The following CSMD2 variants were observed in gnomAD, a reference collection of about 807,000 sequenced individuals.
The protein encoded by CSMD2 is CUB and Sushi multiple domains 2, also known as CUB and sushi domain-containing protein 2.
Under a neutral mutation model 398.5 loss-of-function variants are expected in CSMD2, and 130 were observed. The ratio of observed to expected loss-of-function variants is 0.33; its 90% CI spans 0.28 to 0.38. The LOEUF is 0.38. Ranked by LOEUF, CSMD2 falls within the 10% of genes least tolerant of loss-of-function variation. The probability of loss-of-function intolerance (pLI) is 1.00; values close to 1 mark genes in which losing one functional copy is unlikely to be tolerated. For synonymous variants in CSMD2, 1,828 were observed against 1,908.5 expected, an observed-to-expected ratio of 0.96 and a Z score of 1.10; for missense variants, 3,829 against 4,764.9, an observed-to-expected ratio of 0.80 and a Z score of 5.78.
chr1:33,892,228 C>A (rs1642073484), intron 5 of CSMD2, among the ~76,000 whole-genome samples: 1 of 151,364 alleles, frequency 6.6e-6, no homozygotes, highest in Non-Finnish European at 1.5e-5. Flanking sequence ...CTGGAGGACA[C>A]CATGTCAGAC....
chr1:33,574,857 A>G (rs1659921311), intron 49 of CSMD2, among the ~76,000 whole-genome samples: 1 of 152,230 alleles, frequency 6.6e-6, no homozygotes, highest in Non-Finnish European at 1.5e-5. Context: ...CTGTCATATT[A>G]CATCAACTAC....
At chr1:34,096,353 G>C (rs1267611009) in intron 1 of CSMD2, among the ~76,000 whole-genome samples, 3 of 152,070 alleles carry the variant, frequency 2.0e-5, no homozygotes, top group Non-Finnish European at 4.4e-5. Flanking sequence ...ACTGGCACAA[G>C]ACAGGGATGC....
At chr1:33,610,156 G>A (rs1374640517) in intron 41 of CSMD2, among the ~76,000 whole-genome samples, 1 of 151,678 alleles carries the variant, frequency 6.6e-6, no homozygotes, top group African/African-American at 2.4e-5. Context: ...TAAGGCACTT[G>A]GCTTATGGTA....
intron 26 of CSMD2, among the ~76,000 whole-genome samples, chr1:33,660,142 C>T (rs1413403431): frequency 1.3e-5 from 2 of 152,190 alleles, no homozygotes; most frequent in Non-Finnish European, 2.9e-5. Context: ...AAGAAACAGA[C>T]ACATGGTTTT....
intron 10 of CSMD2, among the ~76,000 whole-genome samples, chr1:33,798,243 T>C (rs1283931759): frequency 1.3e-5 from 2 of 152,320 alleles, no homozygotes; most frequent in African/African-American, 4.8e-5. Flanking sequence ...AAGAGGCACA[T>C]TTGTATACAG....
chr1:33,584,774 T>C (rs1473859042), intron 46 of CSMD2, among the ~76,000 whole-genome samples: 1 of 150,804 alleles, frequency 6.6e-6, no homozygotes, highest in African/African-American at 2.4e-5. Context: ...TGATGAAAAC[T>C]GCATCTTGAA....
In CSMD2 at chr1:33,713,560, G is replaced by A. The variant is rs570752909; in HGVS notation, c.3406+1027C>T. On this transcript the variant is annotated intron_variant, in intron 21 of 70. Transcript: ENST00000373381. ...GACAGACAGCAATCACTCCGCCCTG[G>A]GGAAAATACTTGCTTCCCCTACTAC... Among the ~76,000 whole-genome samples, 7 of 152,210 alleles carry A rather than the reference G, an allele frequency of 4.6e-5. No individual in the cohort carries two copies. The East Asian group carries it at 1.4e-3, about 29-fold the overall frequency.
chr1:33,675,405 C>A (rs1218037491), intron 25 of CSMD2, among the ~76,000 whole-genome samples: 1 of 152,050 alleles, frequency 6.6e-6, no homozygotes, highest in African/African-American at 2.4e-5. Flanking sequence ...CAAGACTAAA[C>A]CAGGAAGAAG....
At chr1:33,704,381 T>C (rs565328125) in intron 22 of CSMD2, among the ~76,000 whole-genome samples, 10 of 152,354 alleles carry the variant, frequency 6.6e-5, no homozygotes, top group Admixed American at 6.5e-5. Flanking sequence ...AGTAGAACTA[T>C]TGATCTTGTT....
chr1:33,810,791 G>C lies in CSMD2; in HGVS notation c.1398C>G (p.Asp466Glu). 6.2e-7 allele frequency: 1 copy of C among 1,612,882 alleles called. No homozygotes were observed. Residue 466 changes from aspartate (D) to glutamate (E), a missense_variant, in exon 10 of 71, where the codon GAC (aspartate) becomes GAG (glutamate). Asp to Glu is a conservative substitution (Grantham distance 45). This residue lies in a region of CSMD2 where 2,001 missense variants were observed against 2,567.1 expected (regional missense o/e 0.78). Transcript: ENST00000373381. The part of the protein sequence containing the change: ...ITSPNFPIQY[D>E]NNAHCVWIIT... ...TGATCCACACACAGTGTGCATTGTT[G>C]TCATACTGAATGGGGAAATTGGGGG...
chr1:33,658,671 G>C (rs150081054), intron 26 of CSMD2, among the ~76,000 whole-genome samples: 1 of 152,108 alleles, frequency 6.6e-6, no homozygotes, highest in Non-Finnish European at 1.5e-5. Context: ...AGACCAGCCT[G>C]AGCAACACAG....
chr1:34,130,526 G>A (rs542058416), intron 1 of CSMD2, among the ~76,000 whole-genome samples: 60 of 152,050 alleles, frequency 3.9e-4, no homozygotes, highest in East Asian at 5.8e-4. Flanking sequence ...AGATCAAATC[G>A]GGATGGTTTC....
At chr1:33,959,079 G>A (rs1645263018) in intron 3 of CSMD2, among the ~76,000 whole-genome samples, 1 of 152,150 alleles carries the variant, frequency 6.6e-6, no homozygotes. Flanking sequence ...CAGATAACAT[G>A]TGCTTCCCTC....
intron 1 of CSMD2, among the ~76,000 whole-genome samples, chr1:34,133,733 A>G (rs766452435): frequency 4.6e-5 from 7 of 151,978 alleles, no homozygotes; most frequent in Non-Finnish European, 1.0e-4. Flanking sequence ...ACATCTTGCT[A>G]CTTAGTCAAA....
chr1:34,157,673 C>T lies in CSMD2; in HGVS notation c.187+7238G>A, dbSNP rs370237382. 6.6e-5 allele frequency among the ~76,000 whole-genome samples: 10 copies of T among 151,550 alleles called. No homozygotes were observed. The South Asian group carries it at 1.3e-3, about 19-fold the overall frequency. ...CACCCCACCCTCTCGATCCCATCCCCGACATCACATCTCACTCAATCCTAT... is the reference window on the plus strand; with the variant it reads ...CACCCCACCCTCTCGATCCCATCCCTGACATCACATCTCACTCAATCCTAT... On this transcript the variant is annotated intron_variant, in intron 1 of 70. Coordinates refer to ENST00000373381, the MANE Select transcript of CSMD2 (RefSeq NM_001281956.2).
chr1:34,044,093 G>A (rs1021153213), intron 2 of CSMD2, among the ~76,000 whole-genome samples: 4 of 152,080 alleles, frequency 2.6e-5, no homozygotes, highest in South Asian at 2.1e-4. Flanking sequence ...ATAGCCATGG[G>A]TACAAATTTA....
At position 34,076,162 on chromosome 1, in the gene CSMD2, C is replaced by T. The variant is rs749071579; in HGVS notation, c.404+12815G>A. Among the ~76,000 whole-genome samples, 33 of 152,302 alleles carry T rather than the reference C, an allele frequency of 2.2e-4. 1 individual carries two copies. Among genetic ancestry groups the T allele is most frequent in the Non-Finnish European group, 3.7e-4 (25 of 68,032 alleles). ...GCATCTGCATATAGAACAAGCTGTG[C>T]GCAGTGTGTCTATTGGCACCTTCTC... On this transcript the variant is annotated intron_variant, in intron 2 of 70. Transcript: ENST00000373381.
intron 24 of CSMD2, among the ~76,000 whole-genome samples, chr1:33,695,136 G>A (rs947339763): frequency 6.6e-6 from 1 of 152,162 alleles, no homozygotes; most frequent in African/African-American, 2.4e-5. Flanking sequence ...GGAGGGCACT[G>A]CAGAGAGAGA....
chr1:33,841,102 C>G (rs1660803588), intron 6 of CSMD2, among the ~76,000 whole-genome samples: 1 of 152,154 alleles, frequency 6.6e-6, no homozygotes, highest in African/African-American at 2.4e-5. Context: ...GCAAAGGAGC[C>G]AATGGTTTTC....
Sources: gnomAD v4.1 joint callset for allele counts (sites outside exome capture counted in the v4.1 genomes callset) on GRCh38, gnomAD v4.1.1 for gene constraint, gnomAD v4.1.1 regional missense constraint, MANE v1.5 for transcripts, NCBI Gene and HGNC (gene_info 2026-07-23, HGNC 2026-07-21) for gene names.